Variants in KAZN observed in about 807,000 individuals in gnomAD.
KAZN encodes the protein kazrin, periplakin interacting protein.
A neutral mutation model predicts 87.4 loss-of-function variants in KAZN; 40 were observed. The ratio of observed to expected loss-of-function variants is 0.46; its 90% CI spans 0.36 to 0.60. The LOEUF is 0.60. Among genes scored for constraint, KAZN ranks in the 20% least tolerant of loss-of-function variants. The pLI is 0.00. For missense variants in KAZN, 898 were observed against 1,073.9 expected (o/e 0.84, Z 2.29); for synonymous variants, 466 against 458.3 (o/e 1.02, Z -0.22).
intron 1 of KAZN, among the ~76,000 whole-genome samples, chr1:14,614,240 T>C (rs372806802): frequency 4.2e-4 from 64 of 152,354 alleles, no homozygotes; most frequent in African/African-American, 1.4e-3. Flanking sequence ...TTAGAGAAGA[T>C]GGCATTTACA....
intron 1 of KAZN, among the ~76,000 whole-genome samples, chr1:14,737,085 GC>G (rs1643931430): frequency 6.6e-6 from 1 of 152,182 alleles, no homozygotes. Flanking sequence ...GCTGCTGGGA[GC>G]AAATGTGACA....
At chr1:14,126,359 C>T (rs1004098749) in intron 1 of KAZN, among the ~76,000 whole-genome samples, 19 of 150,736 alleles carry the variant, frequency 1.3e-4, no homozygotes, top group South Asian at 4.3e-4. Context: ...CCCCTCCCCC[C>T]CCCCGTCAAG....
At chr1:14,100,023 A>G (rs147606230) in intron 1 of KAZN, among the ~76,000 whole-genome samples, 15 of 152,162 alleles carry the variant, frequency 9.9e-5, no homozygotes, top group Non-Finnish European at 2.1e-4. Flanking sequence ...GCAATAAAGT[A>G]CTGGAGAATG....
intron 1 of KAZN, among the ~76,000 whole-genome samples, chr1:14,015,085 C>G (rs556156583): frequency 6.6e-6 from 1 of 152,214 alleles, no homozygotes; most frequent in Non-Finnish European, 1.5e-5. Context: ...TTACACTTCT[C>G]AAGTTATTTC....
At chr1:14,708,253 C>A (rs1642314000) in intron 1 of KAZN, among the ~76,000 whole-genome samples, 1 of 152,104 alleles carries the variant, frequency 6.6e-6, no homozygotes, top group African/African-American at 2.4e-5. Context: ...TGCATGGATG[C>A]CAGAGGTGTG....
chr1:14,717,513 G>A (rs1216594321), intron 1 of KAZN, among the ~76,000 whole-genome samples: 2 of 152,050 alleles, frequency 1.3e-5, no homozygotes, highest in African/African-American at 2.4e-5. Flanking sequence ...ATCTTCTGTG[G>A]CCCCCTCCCT....
chr1:14,700,326 G>A (rs1322701096), intron 1 of KAZN, among the ~76,000 whole-genome samples: 1 of 152,080 alleles, frequency 6.6e-6, no homozygotes, highest in Non-Finnish European at 1.5e-5. Context: ...ACAAAAATTA[G>A]TTGGCCATGG....
At chr1:14,681,841 G>T (rs1002043569) in intron 1 of KAZN, among the ~76,000 whole-genome samples, 1 of 148,362 alleles carries the variant, frequency 6.7e-6, no homozygotes, top group African/African-American at 2.5e-5. Flanking sequence ...ACAGGCGCCC[G>T]CCACCACACC....
At chr1:14,924,168 C>A in intron 1 of KAZN, 1 of 981,908 alleles carries the variant, frequency 1.0e-6, no homozygotes, top group Non-Finnish European at 1.2e-6. Flanking sequence ...CCGAATTCCT[C>A]GCGTGCAGCA....
intron 2 of KAZN, among the ~76,000 whole-genome samples, chr1:14,450,186 G>T (rs989369101): frequency 2.0e-5 from 3 of 152,088 alleles, no homozygotes; most frequent in Non-Finnish European, 4.4e-5. Flanking sequence ...TTCTTGGCCG[G>T]TCTTCATCCC....
At chr1:14,796,717 C>G (rs1645839759) in intron 1 of KAZN, among the ~76,000 whole-genome samples, 1 of 152,234 alleles carries the variant, frequency 6.6e-6, no homozygotes, top group African/African-American at 2.4e-5. Flanking sequence ...AAAGTACTGC[C>G]TTTGGCATAA....
At chr1:14,848,426 G>A (rs150045519) in intron 1 of KAZN, among the ~76,000 whole-genome samples, 255 of 152,270 alleles carry the variant, frequency 1.7e-3, no homozygotes, top group African/African-American at 5.6e-3. Context: ...CGTGCCTACC[G>A]CAGAGGTATT....
At chr1:13,941,817 T>A (rs907222525) in intron 1 of KAZN, among the ~76,000 whole-genome samples, 1 of 152,082 alleles carries the variant, frequency 6.6e-6, no homozygotes, top group Admixed American at 6.5e-5. Flanking sequence ...ACCAAAGAGC[T>A]ACCAAGGCAG....
intron 1 of KAZN, among the ~76,000 whole-genome samples, chr1:14,675,343 G>A (rs531864233): frequency 3.3e-5 from 5 of 152,358 alleles, no homozygotes; most frequent in South Asian, 2.1e-4. Context: ...GAGAGGGCCC[G>A]CAGGGCAACC....
At chr1:14,194,523 CGTT>C (rs1278285701) in intron 2 of KAZN, among the ~76,000 whole-genome samples, 1 of 152,130 alleles carries the variant, frequency 6.6e-6, no homozygotes, top group African/African-American at 2.4e-5. Flanking sequence ...CTTTCCCCAT[CGTT>C]GTCTGTGTCC....
intron 1 of KAZN, among the ~76,000 whole-genome samples, chr1:13,909,053 C>T (rs989188550): frequency 6.6e-6 from 1 of 152,170 alleles, no homozygotes; most frequent in Non-Finnish European, 1.5e-5. Context: ...CAGGGAAAGT[C>T]GGTAGGTGCT....
At chr1:14,144,505 T>C (rs1183613758) in intron 1 of KAZN, among the ~76,000 whole-genome samples, 1 of 152,072 alleles carries the variant, frequency 6.6e-6, no homozygotes, top group Non-Finnish European at 1.5e-5. Flanking sequence ...CCCAGGCTGG[T>C]CTTGAACTCC....
intron 2 of KAZN, among the ~76,000 whole-genome samples, chr1:14,313,206 G>A (rs112959552): frequency 0.022 from 3,270 of 152,062 alleles, 127 homozygotes; most frequent in African/African-American, 0.075. Context: ...TATACTTCAT[G>A]GTCCCCACAC....
At chr1:14,137,701 CTTTT>C (rs35819477) in intron 1 of KAZN, among the ~76,000 whole-genome samples, 13 of 65,052 alleles carry the variant, frequency 2.0e-4, no homozygotes, top group East Asian at 5.6e-4. Flanking sequence ...AAATATAAGG[CTTTT>C]TTTTTTTTTT....
Sources: gnomAD v4.1 joint callset for allele counts (sites outside exome capture counted in the v4.1 genomes callset) on GRCh38, gnomAD v4.1.1 for gene constraint, MANE v1.5 for transcripts, NCBI Gene and HGNC (gene_info 2026-07-23, HGNC 2026-07-21) for gene names.